Variants in XXYLT1 observed in about 807,000 individuals in gnomAD.
The protein encoded by XXYLT1 is UDP-xylose:alpha-xyloside alpha-1,3-xylosyltransferase.
A neutral mutation model predicts 28.9 loss-of-function variants in XXYLT1; 20 were observed. That is an observed-to-expected ratio of 0.69 (90% CI 0.49 to 1.00). The LOEUF (loss-of-function observed/expected upper bound fraction) is 1.00, where lower values mean the gene tolerates loss of function less well. Ranked by LOEUF, XXYLT1 falls within the 50% of genes least tolerant of loss-of-function variation. XXYLT1 has a pLI of 0.00. For synonymous variants in XXYLT1, 257 were observed against 253.8 expected, an observed-to-expected ratio of 1.01 and a Z score of -0.12; for missense variants, 542 against 560.1, an observed-to-expected ratio of 0.97 and a Z score of 0.33.
chr3:195,111,527 C>T (rs1717716722), intron 3 of XXYLT1, among the ~76,000 whole-genome samples: 1 of 151,972 alleles, frequency 6.6e-6, no homozygotes, highest in Non-Finnish European at 1.5e-5. Flanking sequence ...GCTAGGATGG[C>T]GCTCCAGGGG....
chr3:195,144,148 C>T (rs1434162616), intron 3 of XXYLT1, among the ~76,000 whole-genome samples: 3 of 150,018 alleles, frequency 2.0e-5, no homozygotes, highest in Admixed American at 1.3e-4. Flanking sequence ...CCTGCCTGGG[C>T]CTCCCAAAGT....
rs928377844 is a variant in XXYLT1 at position 195,252,945 on chromosome 3, A to G, written c.504+17610T>C. Among the ~76,000 whole-genome samples, 5 of 152,322 alleles carry G rather than the reference A, an allele frequency of 3.3e-5. No homozygotes were observed. In the East Asian group the frequency reaches 9.6e-4, roughly 29 times the overall value. ...GGGTCCCCTATTCAGTAACGTGAGT[A>G]GAGAACAAAATTCCCCTGCTCTATC... On this transcript the variant is annotated intron_variant, in intron 1 of 3. Transcript: ENST00000310380.
chr3:195,210,318 A>G lies in XXYLT1; in HGVS notation c.652+16391T>C, dbSNP rs1388099558. The stretch of plus-strand genomic sequence containing the variant: ...CTTGCTCCCTGTGTGACACCCACTC[A>G]CTTGGGGTCCCTCCACCAACCGGAA... On this transcript the variant is annotated intron_variant, in intron 2 of 3. Coordinates refer to ENST00000310380, the MANE Select transcript of XXYLT1 (RefSeq NM_152531.5). The surrounding 1 kb of genome is among the most constrained non-coding windows in gnomAD (Gnocchi z 4.8). 6.6e-6 allele frequency among the ~76,000 whole-genome samples: 1 copy of G among 152,150 alleles called. No homozygotes were observed. Among genetic ancestry groups the G allele is most frequent in the Non-Finnish European group, 1.5e-5 (1 of 68,016 alleles).
intron 2 of XXYLT1, among the ~76,000 whole-genome samples, chr3:195,199,477 G>A (rs1015022340): frequency 2.6e-5 from 4 of 152,078 alleles, no homozygotes; most frequent in African/African-American, 9.7e-5. Flanking sequence ...CAGGCATGGT[G>A]GTGGGCGCCT....
intron 3 of XXYLT1, among the ~76,000 whole-genome samples, chr3:195,108,917 A>G (rs9882947): frequency 0.69 from 105,149 of 151,978 alleles, 36,707 homozygotes; most frequent in Middle Eastern, 0.72. Flanking sequence ...CACGTCCCAC[A>G]CAGTGGCTAG....
chr3:195,097,912 G>C (rs947015755), intron 3 of XXYLT1, among the ~76,000 whole-genome samples: 16 of 152,112 alleles, frequency 1.1e-4, no homozygotes, highest in African/African-American at 3.9e-4. Context: ...CTGGTGGAGG[G>C]GAACCGAGAA....
rs947551843 is a variant in XXYLT1 at position 195,084,718 on chromosome 3, G to A, written c.786-14607C>T. On this transcript the variant is annotated intron_variant, in intron 3 of 3. Transcript: ENST00000310380. Reference sequence around the variant, plus strand: ...AGGCAAAACTCCCACCACTACACACGATCACAGGACTCCATCGGCCCCAGA... The same window carrying A: ...AGGCAAAACTCCCACCACTACACACAATCACAGGACTCCATCGGCCCCAGA... Among the ~76,000 whole-genome samples, 68 of 152,114 alleles carry A rather than the reference G, an allele frequency of 4.5e-4. 1 individual carries two copies. The highest frequency in any genetic ancestry group is 3.4e-4 in the Non-Finnish European group (23 of 68,022).
At chr3:195,137,502 C>G (rs190117806) in intron 3 of XXYLT1, among the ~76,000 whole-genome samples, 2 of 152,082 alleles carry the variant, frequency 1.3e-5, no homozygotes, top group Non-Finnish European at 2.9e-5. Flanking sequence ...CCTCAAAGAC[C>G]GTGAAGAGAA....
At chr3:195,099,222 G>T (rs571647865) in intron 3 of XXYLT1, among the ~76,000 whole-genome samples, 12 of 152,250 alleles carry the variant, frequency 7.9e-5, no homozygotes, top group East Asian at 5.8e-4. Context: ...TAAACTCTAA[G>T]AAATAAATAA....
At chr3:195,258,436 GAAACA>G (rs1274914535) in intron 1 of XXYLT1, among the ~76,000 whole-genome samples, 6 of 152,200 alleles carry the variant, frequency 3.9e-5, no homozygotes, top group African/African-American at 1.4e-4. Flanking sequence ...CAGTAAGAGG[GAAACA>G]AAACATCAAA....
At chr3:195,253,992 G>C (rs762427277) in intron 1 of XXYLT1, among the ~76,000 whole-genome samples, 4 of 152,186 alleles carry the variant, frequency 2.6e-5, no homozygotes, top group Non-Finnish European at 5.9e-5. Context: ...CGGTGCTCTC[G>C]GACAAGTCAC....
At chr3:195,205,229 C>T (rs1324357597) in intron 2 of XXYLT1, among the ~76,000 whole-genome samples, 1 of 152,194 alleles carries the variant, frequency 6.6e-6, no homozygotes, top group Non-Finnish European at 1.5e-5. Context: ...CAACAAAATG[C>T]AGCTTTATGC....
At chr3:195,155,401 A>T (rs1034154196) in intron 3 of XXYLT1, among the ~76,000 whole-genome samples, 5 of 152,170 alleles carry the variant, frequency 3.3e-5, no homozygotes, top group African/African-American at 9.7e-5. Context: ...CTTTCCGAAC[A>T]AACTCGGCAG....
intron 3 of XXYLT1, among the ~76,000 whole-genome samples, chr3:195,121,398 C>T (rs377451992): frequency 6.6e-6 from 1 of 152,180 alleles, no homozygotes; most frequent in South Asian, 2.1e-4. Flanking sequence ...GCCCACCACC[C>T]GCATCTCTGC....
chr3:195,248,890 A>T (rs1725142054), intron 1 of XXYLT1, among the ~76,000 whole-genome samples: 1 of 152,226 alleles, frequency 6.6e-6, no homozygotes, highest in Non-Finnish European at 1.5e-5. Flanking sequence ...ACTGTACTCC[A>T]GCCTGGGGGA....
intron 3 of XXYLT1, among the ~76,000 whole-genome samples, chr3:195,108,317 G>A (rs1354663879): frequency 2.0e-5 from 3 of 152,294 alleles, no homozygotes; most frequent in East Asian, 1.9e-4. Context: ...ATGAACCAGC[G>A]GCGTAACTGG....
chr3:195,110,351 T>TGA (rs1577039393), intron 3 of XXYLT1, among the ~76,000 whole-genome samples: 5 of 43,194 alleles, frequency 1.2e-4, no homozygotes, highest in East Asian at 3.7e-4. Context: ...GTGTGGTGTG[T>TGA]GGTGTATGTG....
intron 2 of XXYLT1, among the ~76,000 whole-genome samples, chr3:195,194,948 G>A (rs1384434406): frequency 1.3e-5 from 2 of 152,152 alleles, no homozygotes; most frequent in African/African-American, 4.8e-5. Flanking sequence ...GAAACATTTG[G>A]AGGAATGGAA....
intron 1 of XXYLT1, among the ~76,000 whole-genome samples, chr3:195,237,912 C>A (rs141154297): frequency 1.5e-3 from 224 of 152,192 alleles, no homozygotes; most frequent in Non-Finnish European, 2.5e-3. Flanking sequence ...CATTCCCACA[C>A]CCCTCCGCTT....
Sources: allele counts gnomAD v4.1 joint callset (sites outside exome capture counted in the v4.1 genomes callset), GRCh38; gene constraint gnomAD v4.1.1; non-coding constraint Gnocchi (gnomAD v3.1); transcripts MANE v1.5; gene names NCBI Gene and HGNC (gene_info 2026-07-23, HGNC 2026-07-21).